Variants in VAPA observed in about 807,000 individuals in gnomAD.
VAPA encodes the protein vesicle-associated membrane protein-associated protein A.
Under a neutral mutation model 25.6 loss-of-function variants are expected in VAPA, and 6 were observed. That is an observed-to-expected ratio of 0.23 (90% CI 0.13 to 0.46). The LOEUF (loss-of-function observed/expected upper bound fraction) is 0.46. Ranked by LOEUF, VAPA falls within the 20% of genes least tolerant of loss-of-function variation. The pLI is 0.99. For missense variants in VAPA, 244 were observed against 302.1 expected (o/e 0.81, Z 1.43); for synonymous variants, 112 against 106.2 (o/e 1.05, Z -0.34).
At chr18:9,914,733 G>C (rs1410079170) in intron 1 of VAPA, 1 of 151,936 alleles carries the variant, frequency 6.6e-6, no homozygotes, top group Non-Finnish European at 1.5e-5. Context: ...GGCGTGGGCG[G>C]CTGGGCACCC....
chr18:9,914,428 C>G lies in VAPA; in HGVS notation c.79+93C>G, dbSNP rs1049207827. On this transcript the variant is annotated intron_variant, in intron 1 of 5. Transcript: ENST00000400000. ...GCGGAGGGCACGTCCGCGGCCCTGGCCCGAGGGAGCGCCCCCTCCCCCACG... is the reference window on the plus strand; with the variant it reads ...GCGGAGGGCACGTCCGCGGCCCTGGGCCGAGGGAGCGCCCCCTCCCCCACG... The G allele has an allele frequency of 9.8e-6, 11 of 1,119,704 alleles. No homozygotes were observed. In the Admixed American group the frequency reaches 2.1e-4, roughly 21 times the overall value. 69.4% of individuals were successfully genotyped at this position (1,119,704 alleles called of 1,614,324 possible).
intron 1 of VAPA, among the ~76,000 whole-genome samples, chr18:9,924,208 G>A (rs1567892599): frequency 6.6e-6 from 1 of 151,870 alleles, no homozygotes; most frequent in Non-Finnish European, 1.5e-5. Flanking sequence ...TTTGTTTCAG[G>A]TTCTCTGAAA....
intron 1 of VAPA, among the ~76,000 whole-genome samples, chr18:9,920,172 A>G (rs976373821): frequency 1.3e-5 from 2 of 152,182 alleles, no homozygotes; most frequent in Admixed American, 1.3e-4. Context: ...GTCTTTCAGG[A>G]TATTAACATG....
chr18:9,914,159 C>G lies in VAPA; in HGVS notation c.-98C>G. 1 of 1,096,820 alleles carries G rather than the reference C, an allele frequency of 9.1e-7. No homozygotes were observed. Among genetic ancestry groups the G allele is most frequent in the Non-Finnish European group, 1.3e-6 (1 of 782,118 alleles). 67.9% of individuals were successfully genotyped at this position (1,096,820 alleles called of 1,614,324 possible). The stretch of plus-strand genomic sequence containing the variant: ...GGCTCGGGAGCCGCGAGCCTGGCCT[C>G]GTCCTAGAGCTCGGCCGAGCCGTCG... On this transcript the variant is annotated 5_prime_UTR_variant, in exon 1 of 6. Coordinates refer to ENST00000400000, the MANE Select transcript of VAPA (RefSeq NM_194434.3).
rs1467302173 is a variant in VAPA at position 9,914,308 on chromosome 18, G to A, written c.52G>A (p.Asp18Asn). 1.3e-6 allele frequency: 2 copies of A among 1,588,722 alleles called. No homozygotes were observed. Among genetic ancestry groups the A allele is most frequent in the Admixed American group, 1.7e-5 (1 of 58,012 alleles). The change falls in exon 1 of 6, where the codon GAT becomes AAT. Residue 18 changes from aspartate (D) to asparagine (N), a missense_variant. Physicochemically the swap from Asp to Asn is conservative, Grantham distance 23 (BLOSUM62 1). Transcript: ENST00000400000. ...GAAGCACGAGCAGATCCTGGTCCTCGATCCGCCCACAGACCTCAAATTCAA... is the reference window on the plus strand; with the variant it reads ...GAAGCACGAGCAGATCCTGGTCCTCAATCCGCCCACAGACCTCAAATTCAA... ...MAKHEQILVLDPPTDLKFKGP... is the reference protein window; with the variant it reads ...MAKHEQILVLNPPTDLKFKGP...
chr18:9,958,850 A>G lies in VAPA; in HGVS notation c.*4639A>G, dbSNP rs1313170014. The stretch of plus-strand genomic sequence containing the variant: ...TTGACTTGTGAATAAATGAGCTGTC[A>G]TCGCAAAAAGGCGATTTGAGAAATG... On this transcript the variant is annotated 3_prime_UTR_variant, in exon 6 of 6. Transcript: ENST00000400000. 6.6e-6 allele frequency: 1 copy of G among 152,272 alleles called. No homozygotes were observed. Among genetic ancestry groups the G allele is most frequent in the African/African-American group, 2.4e-5 (1 of 41,468 alleles). 9.4% of individuals were successfully genotyped at this position (152,272 alleles called of 1,614,324 possible). A position where few individuals can be genotyped will look rare whatever the true frequency, so the allele number is the denominator to read the frequency against.
At chr18:9,933,365 G>A (rs2069275977) in intron 2 of VAPA, among the ~76,000 whole-genome samples, 2 of 152,148 alleles carry the variant, frequency 1.3e-5, no homozygotes, top group African/African-American at 4.8e-5. Context: ...AGATGTTTTA[G>A]TGAGTCTTGC....
In VAPA at chr18:9,918,593, T is replaced by A. The variant is rs189349420; in HGVS notation, c.79+4258T>A. 3.3e-3 allele frequency among the ~76,000 whole-genome samples: 501 copies of A among 152,354 alleles called. 3 individuals carry two copies. The highest frequency in any genetic ancestry group is 5.5e-3 in the Non-Finnish European group (375 of 68,030). On this transcript the variant is annotated intron_variant, in intron 1 of 5. Coordinates refer to ENST00000400000, the MANE Select transcript of VAPA (RefSeq NM_194434.3). ...TAATTTTCTTATTTGCTCCATTTAT[T>A]GTCTTATTTGTGGCATTTTCCTCAA...
intron 2 of VAPA, among the ~76,000 whole-genome samples, chr18:9,935,853 G>C (rs2069304513): frequency 6.6e-6 from 1 of 152,150 alleles, no homozygotes; most frequent in Non-Finnish European, 1.5e-5. Context: ...GCAAAACTTA[G>C]TAAATTAGAA....
At chr18:9,937,091 T>C (rs1350963267) in intron 4 of VAPA, 25 bp downstream of exon 4, 2 of 1,590,446 alleles carry the variant, frequency 1.3e-6, no homozygotes, top group Non-Finnish European at 8.6e-7. Context: ...GTAAAAAAAA[T>C]TGGGAGCTGT....
intron 1 of VAPA, chr18:9,915,805 G>C (rs1042470632): frequency 6.6e-6 from 1 of 152,218 alleles, no homozygotes; most frequent in Admixed American, 6.5e-5. Flanking sequence ...AGAAGTGTAA[G>C]TGAGCTACTT....
At position 9,956,320 on chromosome 18, in the gene VAPA, G is replaced by A. The variant is rs779230016; in HGVS notation, c.*2109G>A. On this transcript the variant is annotated 3_prime_UTR_variant, in exon 6 of 6. Coordinates refer to ENST00000400000, the MANE Select transcript of VAPA (RefSeq NM_194434.3). ...ATGGCTGAAATAATGAACATAAAAT[G>A]CTATTTATAATAACAAGTATATGTG... 6.6e-6 allele frequency: 1 copy of A among 152,152 alleles called. No homozygotes were observed. The highest frequency in any genetic ancestry group is 1.5e-5 in the Non-Finnish European group (1 of 68,030). 9.4% of individuals were successfully genotyped at this position (152,152 alleles called of 1,614,324 possible).
intron 4 of VAPA, chr18:9,948,955 A>G (rs1441458139): frequency 6.6e-6 from 1 of 152,264 alleles, no homozygotes; most frequent in Non-Finnish European, 1.5e-5. Flanking sequence ...TTCTATTGCC[A>G]TATTGGTGGC....
intron 4 of VAPA, chr18:9,949,478 T>C (rs904699765): frequency 6.6e-6 from 1 of 152,204 alleles, no homozygotes; most frequent in East Asian, 1.9e-4. Context: ...GTGTGGTAGG[T>C]GTGCAGCCTC....
intron 5 of VAPA, 160 bp downstream of exon 5, chr18:9,950,728 GT>G: frequency 1.5e-6 from 1 of 659,288 alleles, no homozygotes; most frequent in Non-Finnish European, 2.5e-6. Flanking sequence ...TCTTTTAACA[GT>G]CTTCCCGTGG....
chr18:9,958,803 G>T lies in VAPA; in HGVS notation c.*4592G>T, dbSNP rs2069577374. ...AAGCTTTGCTTGTCAAGTTAGGATT[G>T]CTGGAATACCACTAAAGATTTTTGA... On this transcript the variant is annotated 3_prime_UTR_variant, in exon 6 of 6. Transcript: ENST00000400000. 6.6e-6 allele frequency: 1 copy of T among 152,182 alleles called. No individual in the cohort carries two copies. The highest frequency in any genetic ancestry group is 1.9e-4 in the East Asian group (1 of 5,202). The allele number at this position is 152,182 out of a possible 1,614,324, so 9.4% of individuals were successfully genotyped here.
At position 9,955,300 on chromosome 18, in the gene VAPA, A is replaced by T. The variant is rs182949995; in HGVS notation, c.*1089A>T. 1.6e-3 allele frequency: 239 copies of T among 152,318 alleles called. No homozygotes were observed. Among genetic ancestry groups the T allele is most frequent in the African/African-American group, 5.1e-3 (213 of 41,564 alleles). The allele number at this position is 152,318 out of a possible 1,614,324, so 9.4% of individuals were successfully genotyped here. ...CACTCAAAATAATGTTCATTATGGA[A>T]GTTTGGTAATACTGAGCAAGCCTGT... On this transcript the variant is annotated 3_prime_UTR_variant, in exon 6 of 6. Transcript: ENST00000400000.
In VAPA at chr18:9,958,961, A is replaced by G. The variant is rs2069579178; in HGVS notation, c.*4750A>G. ...TTATTTTGTCCATCATGTATTTCTCAAAGCAAAAGGTGGTTTTCAAGTATA... is the reference window on the plus strand; with the variant it reads ...TTATTTTGTCCATCATGTATTTCTCGAAGCAAAAGGTGGTTTTCAAGTATA... On this transcript the variant is annotated 3_prime_UTR_variant, in exon 6 of 6. Transcript: ENST00000400000. The G allele has an allele frequency of 6.6e-6, 1 of 152,230 alleles. No individual in the cohort carries two copies. The highest frequency in any genetic ancestry group is 2.4e-5 in the African/African-American group (1 of 41,456). The allele number at this position is 152,230 out of a possible 1,614,324, so 9.4% of individuals were successfully genotyped here. A position where few individuals can be genotyped will look rare whatever the true frequency, so the allele number is the denominator to read the frequency against.
intron 1 of VAPA, among the ~76,000 whole-genome samples, chr18:9,921,280 T>C (rs1366254515): frequency 6.6e-6 from 1 of 152,226 alleles, no homozygotes. Context: ...TAGGCTATTT[T>C]GTAAAGAGCT....
Sources: allele counts gnomAD v4.1 joint callset (sites outside exome capture counted in the v4.1 genomes callset), GRCh38; gene constraint gnomAD v4.1.1; transcripts MANE v1.5; gene names NCBI Gene and HGNC (gene_info 2026-07-23, HGNC 2026-07-21).